The following SLC39A11 variants were observed in gnomAD, a reference collection of about 807,000 sequenced individuals.
SLC39A11 encodes solute carrier family 39 member 11.
In SLC39A11, 33 loss-of-function variants were observed where a neutral mutation model predicts 36.1. That is an observed-to-expected ratio of 0.91 (90% CI 0.69 to 1.22). The LOEUF (loss-of-function observed/expected upper bound fraction) is 1.22, where lower values mean the gene tolerates loss of function less well. Ranked by LOEUF, SLC39A11 falls within the 50% of genes most tolerant of loss-of-function variation. SLC39A11 has a pLI of 0.00. For synonymous variants in SLC39A11, 166 were observed against 170.3 expected, an observed-to-expected ratio of 0.97 and a Z score of 0.20; for missense variants, 432 against 430.3, an observed-to-expected ratio of 1.00 and a Z score of -0.03.
chr17:73,042,156 G>A (rs998545190), intron 3 of SLC39A11, among the ~76,000 whole-genome samples: 4 of 152,198 alleles, frequency 2.6e-5, no homozygotes, highest in Non-Finnish European at 5.9e-5. Flanking sequence ...ATTCTGGCAC[G>A]ATGGGTACAG....
intron 6 of SLC39A11, among the ~76,000 whole-genome samples, chr17:72,824,831 C>A (rs1407831355): frequency 6.6e-6 from 1 of 151,260 alleles, no homozygotes; most frequent in African/African-American, 2.4e-5. Flanking sequence ...TTCTAAGCAG[C>A]AAGGCATTAA....
chr17:72,934,265 G>A (rs2084608604), intron 5 of SLC39A11, among the ~76,000 whole-genome samples: 3 of 152,128 alleles, frequency 2.0e-5, no homozygotes, highest in South Asian at 4.2e-4. Context: ...AAAAACTTTC[G>A]ATCTCCAAAG....
At chr17:73,018,850 A>G (rs1216653812) in intron 4 of SLC39A11, among the ~76,000 whole-genome samples, 1 of 152,156 alleles carries the variant, frequency 6.6e-6, no homozygotes, top group Non-Finnish European at 1.5e-5. Context: ...CTGGGAGAAA[A>G]AAAAAAATCA....
At chr17:72,914,878 A>G (rs1039078997) in intron 5 of SLC39A11, among the ~76,000 whole-genome samples, 1 of 152,142 alleles carries the variant, frequency 6.6e-6, no homozygotes, top group Non-Finnish European at 1.5e-5. Flanking sequence ...ATAAATAAAT[A>G]AATAAATAAA....
rs1039822998 is a variant in SLC39A11 at position 72,665,468 on chromosome 17, G to C, written c.672-16200C>G. ...TGCAGTGGCATGATCATGGCTCACT[G>C]CAGCCTTGACCTCTCAGGTTAAAGC... On this transcript the variant is annotated intron_variant, in intron 7 of 9. Coordinates refer to ENST00000255559, the MANE Select transcript of SLC39A11 (RefSeq NM_139177.4). 3.7e-5 allele frequency among the ~76,000 whole-genome samples: 5 copies of C among 133,452 alleles called. No individual in the cohort carries two copies. In the Admixed American group the frequency reaches 4.5e-4, roughly 12 times the overall value. 87.5% of individuals were successfully genotyped at this position (133,452 alleles called of 152,430 possible).
chr17:72,723,697 T>C (rs2073803550), intron 7 of SLC39A11, among the ~76,000 whole-genome samples: 1 of 152,170 alleles, frequency 6.6e-6, no homozygotes, highest in Non-Finnish European at 1.5e-5. Flanking sequence ...AAGTGGGTCG[T>C]AAAAGTCTGC....
At chr17:72,744,879 T>C (rs2144185115) in intron 6 of SLC39A11, among the ~76,000 whole-genome samples, 1 of 152,324 alleles carries the variant, frequency 6.6e-6, no homozygotes, top group African/African-American at 2.4e-5. Flanking sequence ...TCTTGCTCTG[T>C]TGCCCAGGCT....
Position 73,008,165 on chromosome 17 carries a change from GT to G in SLC39A11, c.306+23390del, listed in dbSNP as rs1555676170. On this transcript the variant is annotated intron_variant, in intron 4 of 9. Coordinates refer to ENST00000255559, the MANE Select transcript of SLC39A11 (RefSeq NM_139177.4). The stretch of plus-strand genomic sequence containing the variant: ...TGTTGGGGTTTGTTGTTTTTTTTTT[GT>G]TTTTTTTTTTTTGAGATGGGGTCTT... 3.7e-3 allele frequency among the ~76,000 whole-genome samples: 120 copies of G among 32,792 alleles called. 1 individual carries two copies. The highest frequency in any genetic ancestry group is 7.1e-3 in the Admixed American group (21 of 2,946). 21.5% of individuals were successfully genotyped at this position (32,792 alleles called of 152,430 possible). A position where few individuals can be genotyped will look rare whatever the true frequency, so the allele number is the denominator to read the frequency against.
intron 5 of SLC39A11, among the ~76,000 whole-genome samples, chr17:72,933,189 C>T (rs1354322769): frequency 6.6e-6 from 1 of 152,104 alleles, no homozygotes; most frequent in Non-Finnish European, 1.5e-5. Context: ...AAGGAATCTA[C>T]CAAAAAATTC....
chr17:72,693,243 C>A (rs1438081671), intron 7 of SLC39A11, among the ~76,000 whole-genome samples: 1 of 110,756 alleles, frequency 9.0e-6, no homozygotes, highest in Non-Finnish European at 1.7e-5. Context: ...GTCCTCTTGT[C>A]CCAGGAAGCT....
At chr17:72,818,447 G>C (rs536819165) in intron 6 of SLC39A11, among the ~76,000 whole-genome samples, 61 of 152,334 alleles carry the variant, frequency 4.0e-4, no homozygotes, top group Admixed American at 1.8e-3. Context: ...GACTTCACAA[G>C]GATGGCTTAG....
intron 4 of SLC39A11, among the ~76,000 whole-genome samples, chr17:72,951,079 T>A (rs139398342): frequency 6.9e-6 from 1 of 144,862 alleles, no homozygotes. Context: ...CTAGGCAACA[T>A]AGTGAGGCCC....
Position 72,680,550 on chromosome 17 carries a change from T to C in SLC39A11, c.672-31282A>G, listed in dbSNP as rs937613798. On this transcript the variant is annotated intron_variant, in intron 7 of 9. Transcript: ENST00000255559. Reference sequence around the variant, plus strand: ...CTTGCTGCTGCCATGTAAGACATGATTTTGCTCCTCATTTGCCTTCCGCCA... The same window carrying C: ...CTTGCTGCTGCCATGTAAGACATGACTTTGCTCCTCATTTGCCTTCCGCCA... 5.3e-5 allele frequency among the ~76,000 whole-genome samples: 8 copies of C among 152,214 alleles called. No homozygotes were observed. The East Asian group carries it at 1.2e-3, about 22-fold the overall frequency.
intron 4 of SLC39A11, among the ~76,000 whole-genome samples, chr17:72,976,169 C>CAAA (rs71154939): frequency 1.3e-4 from 9 of 68,350 alleles, no homozygotes; most frequent in East Asian, 4.5e-4. Flanking sequence ...GACTCCATCT[C>CAAA]AAAAAAAAAA....
chr17:72,922,098 T>C (rs920632073), intron 5 of SLC39A11, among the ~76,000 whole-genome samples: 2 of 152,174 alleles, frequency 1.3e-5, no homozygotes, highest in African/African-American at 4.8e-5. Context: ...AGCAAAGATA[T>C]GGCTCCCACA....
intron 7 of SLC39A11, among the ~76,000 whole-genome samples, chr17:72,707,388 A>G (rs2072935782): frequency 6.6e-6 from 1 of 152,202 alleles, no homozygotes; most frequent in South Asian, 2.1e-4. Context: ...TGGATGACAG[A>G]GCAAGACAGA....
At chr17:73,082,689 C>G (rs930377077) in intron 3 of SLC39A11, among the ~76,000 whole-genome samples, 1 of 152,086 alleles carries the variant, frequency 6.6e-6, no homozygotes, top group African/African-American at 2.4e-5. Flanking sequence ...GATCCACCTT[C>G]AAAGGACAGG....
chr17:72,887,046 G>A (rs142905307), intron 5 of SLC39A11, among the ~76,000 whole-genome samples: 73 of 152,260 alleles, frequency 4.8e-4, no homozygotes, highest in African/African-American at 1.7e-3. Context: ...TTTCCCTGCA[G>A]AGCCAGATAA....
chr17:73,071,146 G>A (rs1028663403), intron 3 of SLC39A11, among the ~76,000 whole-genome samples: 1 of 152,156 alleles, frequency 6.6e-6, no homozygotes, highest in Non-Finnish European at 1.5e-5. Context: ...CTTCCCCAAA[G>A]CCAGAGAACT....
Sources: allele counts gnomAD v4.1 joint callset (sites outside exome capture counted in the v4.1 genomes callset), GRCh38; gene constraint gnomAD v4.1.1; transcripts MANE v1.5; gene names NCBI Gene and HGNC (gene_info 2026-07-23, HGNC 2026-07-21).